SLC25A21: variants seen among roughly 807,000 people sequenced by gnomAD.
SLC25A21 encodes mitochondrial 2-oxodicarboxylate carrier.
In SLC25A21, 47 loss-of-function variants were observed where a neutral mutation model predicts 43.8. The observed-to-expected ratio is 1.07, with a 90% confidence interval of 0.85 to 1.37. The LOEUF is 1.37. Among genes scored for constraint, SLC25A21 ranks in the 40% most tolerant of loss-of-function variants. The pLI is 0.00. For synonymous variants in SLC25A21, 131 were observed against 121.3 expected, an observed-to-expected ratio of 1.08 and a Z score of -0.52; for missense variants, 352 against 350.2, an observed-to-expected ratio of 1.00 and a Z score of -0.04.
chr14:37,140,259 C>T (rs1248282384), intron 1 of SLC25A21, among the ~76,000 whole-genome samples: 1 of 152,186 alleles, frequency 6.6e-6, no homozygotes, highest in Non-Finnish European at 1.5e-5. Context: ...AGGATAAAAA[C>T]TTTAAAATGT....
chr14:37,085,383 G>A (rs533151971), intron 1 of SLC25A21, among the ~76,000 whole-genome samples: 10 of 152,008 alleles, frequency 6.6e-5, no homozygotes, highest in African/African-American at 9.7e-5. Context: ...CTCAATGTAC[G>A]GTAAACATTC....
intron 1 of SLC25A21, among the ~76,000 whole-genome samples, chr14:36,889,915 C>A (rs548741510): frequency 1.3e-5 from 2 of 152,282 alleles, no homozygotes; most frequent in East Asian, 3.9e-4. Flanking sequence ...ACATTAAATT[C>A]TTTTTCAACA....
chr14:36,776,677 C>T (rs1886847344), intron 3 of SLC25A21, among the ~76,000 whole-genome samples: 1 of 152,122 alleles, frequency 6.6e-6, no homozygotes, highest in Admixed American at 6.5e-5. Flanking sequence ...CTTCCTGGTC[C>T]TGTCTTCCAT....
At chr14:37,065,858 C>A (rs1962050356) in intron 1 of SLC25A21, among the ~76,000 whole-genome samples, 1 of 152,086 alleles carries the variant, frequency 6.6e-6, no homozygotes, top group Non-Finnish European at 1.5e-5. Context: ...TGTGCCTTAG[C>A]AGATTTGAAA....
chr14:36,941,911 T>A (rs1487173951), intron 1 of SLC25A21, among the ~76,000 whole-genome samples: 2 of 152,062 alleles, frequency 1.3e-5, no homozygotes, highest in Non-Finnish European at 2.9e-5. Context: ...TTAGAACATG[T>A]AATTAGATGA....
At chr14:37,002,487 T>C (rs1364927931) in intron 1 of SLC25A21, among the ~76,000 whole-genome samples, 2 of 152,182 alleles carry the variant, frequency 1.3e-5, no homozygotes, top group Non-Finnish European at 2.9e-5. Context: ...AGCTCTTATA[T>C]GACTTATATA....
Position 36,889,627 on chromosome 14 carries a change from C to T in SLC25A21, c.71-14623G>A, listed in dbSNP as rs113769770. Reference sequence around the variant, plus strand: ...TCAGCCTCCTACATATCTAGGATTACAGGCATGTACCACTATGCTCAGCTA... The same window carrying T: ...TCAGCCTCCTACATATCTAGGATTATAGGCATGTACCACTATGCTCAGCTA... On this transcript the variant is annotated intron_variant, in intron 1 of 9. Transcript: ENST00000331299. Among the ~76,000 whole-genome samples, 493 of 152,118 alleles carry T rather than the reference C, an allele frequency of 3.2e-3. 4 individuals carry two copies. The highest frequency in any genetic ancestry group is 0.011 in the African/African-American group (461 of 41,502).
intron 1 of SLC25A21, among the ~76,000 whole-genome samples, chr14:36,876,906 T>TAGAC (rs1335073898): frequency 2.2e-5 from 3 of 134,232 alleles, no homozygotes; most frequent in African/African-American, 5.4e-5. Flanking sequence ...TATAGATAGA[T>TAGAC]AGATAGATAG....
chr14:36,720,837 GC>G (rs1373935251), intron 6 of SLC25A21, among the ~76,000 whole-genome samples: 5 of 152,138 alleles, frequency 3.3e-5, no homozygotes, highest in Non-Finnish European at 7.3e-5. Flanking sequence ...ATGATAATGG[GC>G]CCTTATCTGA....
intron 6 of SLC25A21, among the ~76,000 whole-genome samples, chr14:36,724,058 C>T (rs1477112435): frequency 6.6e-6 from 1 of 152,156 alleles, no homozygotes; most frequent in African/African-American, 2.4e-5. Context: ...ATTAATAAGC[C>T]ATTTGAAAAA....
intron 2 of SLC25A21, among the ~76,000 whole-genome samples, chr14:36,838,933 T>C (rs1412929701): frequency 2.6e-5 from 4 of 152,318 alleles, no homozygotes; most frequent in South Asian, 2.1e-4. Flanking sequence ...TTAGTATCAT[T>C]ATCTTGTTCA....
intron 3 of SLC25A21, among the ~76,000 whole-genome samples, chr14:36,795,968 T>A (rs1490637500): frequency 6.6e-6 from 1 of 152,104 alleles, no homozygotes; most frequent in Non-Finnish European, 1.5e-5. Flanking sequence ...AAGAATAACC[T>A]AAATGCCAAG....
At chr14:37,061,598 T>C (rs1204872202) in intron 1 of SLC25A21, among the ~76,000 whole-genome samples, 1 of 151,626 alleles carries the variant, frequency 6.6e-6, no homozygotes, top group Non-Finnish European at 1.5e-5. Context: ...AACAAAATAA[T>C]AGGGAAAGAG....
chr14:36,963,187 C>CCCCATAGTATATTAAAGAGGTTAAAGCCT (rs1959535457), intron 1 of SLC25A21, among the ~76,000 whole-genome samples: 1 of 151,724 alleles, frequency 6.6e-6, no homozygotes. Context: ...GTACATATCC[C>CCCCATAGTATATTAAAGAGGTTAAAGCCT]CCCATAGTAT....
chr14:37,169,701 T>C (rs1409745716), intron 1 of SLC25A21, among the ~76,000 whole-genome samples: 1 of 152,044 alleles, frequency 6.6e-6, no homozygotes, highest in Non-Finnish European at 1.5e-5. Context: ...TCCTCTCTTG[T>C]GTATTGATTT....
chr14:36,714,295 C>T (rs1884024697), intron 6 of SLC25A21, among the ~76,000 whole-genome samples: 1 of 152,176 alleles, frequency 6.6e-6, no homozygotes, highest in Non-Finnish European at 1.5e-5. Flanking sequence ...CTGTCCTTTC[C>T]TTTTCCCAGA....
Position 36,862,673 on chromosome 14 carries a change from G to A in SLC25A21, c.119+12283C>T, listed in dbSNP as rs567033877. ...TACCTAATGTAAATGACGAGTTGAT[G>A]GGTGCAGCAAACCACCATGGCATGT... On this transcript the variant is annotated intron_variant, in intron 2 of 9. Coordinates refer to ENST00000331299, the MANE Select transcript of SLC25A21 (RefSeq NM_030631.4). Among the ~76,000 whole-genome samples, 6 of 152,194 alleles carry A rather than the reference G, an allele frequency of 3.9e-5. No homozygotes were observed. In the East Asian group the frequency reaches 1.2e-3, roughly 29 times the overall value.
chr14:36,816,496 T>C (rs1420895510), intron 2 of SLC25A21, among the ~76,000 whole-genome samples: 1 of 139,940 alleles, frequency 7.1e-6, no homozygotes, highest in Admixed American at 7.1e-5. Context: ...CATATTCTCC[T>C]CTTTTTTTTT....
At chr14:37,107,389 C>T (rs904701927) in intron 1 of SLC25A21, among the ~76,000 whole-genome samples, 1 of 151,910 alleles carries the variant, frequency 6.6e-6, no homozygotes, top group Non-Finnish European at 1.5e-5. Context: ...CAATAAGTTG[C>T]CCGCACTGGT....
Sources: gnomAD v4.1 joint callset for allele counts (sites outside exome capture counted in the v4.1 genomes callset) on GRCh38, gnomAD v4.1.1 for gene constraint, MANE v1.5 for transcripts, NCBI Gene and HGNC (gene_info 2026-07-23, HGNC 2026-07-21) for gene names.